The following NCKAP5 variants were observed in gnomAD, a reference collection of about 807,000 sequenced individuals.
The protein encoded by NCKAP5 is NCK associated protein 5.
NCKAP5 carries 92 observed loss-of-function variants against 167.0 expected under a neutral mutation model. The observed-to-expected ratio is 0.55, with a 90% CI of 0.47 to 0.66. NCKAP5 has a LOEUF of 0.66. Among genes scored for constraint, NCKAP5 ranks in the 30% least tolerant of loss-of-function variants. The probability of loss-of-function intolerance (pLI) is 0.00; values close to 1 mark genes in which losing one functional copy is unlikely to be tolerated. For synonymous variants in NCKAP5, 891 were observed against 877.4 expected (o/e 1.02, Z -0.27); for missense variants, 2,378 against 2,315.0 (o/e 1.03, Z -0.56).
At chr2:133,038,684 A>G (rs2079113574) in intron 6 of NCKAP5, among the ~76,000 whole-genome samples, 1 of 152,136 alleles carries the variant, frequency 6.6e-6, no homozygotes, top group Non-Finnish European at 1.5e-5. Flanking sequence ...ATTCTCCATG[A>G]CGTTTTTATT....
At position 133,005,570 on chromosome 2, in the gene NCKAP5, C is replaced by A. The variant is rs541603862; in HGVS notation, c.342-11331G>T. On this transcript the variant is annotated intron_variant, in intron 6 of 19. Coordinates refer to ENST00000409261, the MANE Select transcript of NCKAP5 (RefSeq NM_207363.3). Reference sequence around the variant, plus strand: ...ACAAATACATGGAGCATTAGGTCTGCTTTTTATTTTCTTGAGTAATCTGAA... The same window carrying A: ...ACAAATACATGGAGCATTAGGTCTGATTTTTATTTTCTTGAGTAATCTGAA... Among the ~76,000 whole-genome samples the A allele has an allele frequency of 7.9e-5, 12 of 152,178 alleles. 1 individual carries two copies. Among genetic ancestry groups the A allele is most frequent in the Non-Finnish European group, 1.8e-4 (12 of 68,048 alleles).
chr2:132,707,066 G>A (rs902240761), intron 19 of NCKAP5, among the ~76,000 whole-genome samples: 3 of 152,154 alleles, frequency 2.0e-5, no homozygotes, highest in African/African-American at 7.2e-5. Context: ...AAAATCAGGT[G>A]AGCAATCACA....
At chr2:133,179,751 G>A (rs995273346) in intron 5 of NCKAP5, among the ~76,000 whole-genome samples, 1 of 152,102 alleles carries the variant, frequency 6.6e-6, no homozygotes, top group Non-Finnish European at 1.5e-5. Context: ...GCATGGAGGT[G>A]CAGTGAACTT....
At chr2:133,587,109 C>T in the NCKAP5 span, among the ~76,000 whole-genome samples, 1 of 152,138 alleles carries the variant, frequency 6.6e-6, no homozygotes. Flanking sequence ...TCACCTTTTC[C>T]CTTCATAAAG....
intron 7 of NCKAP5, among the ~76,000 whole-genome samples, chr2:132,972,344 G>A (rs930658840): frequency 1.3e-5 from 2 of 152,160 alleles, no homozygotes; most frequent in African/African-American, 4.8e-5. Context: ...GTGGCTTCTA[G>A]AGCAAAGGGC....
chr2:133,155,291 G>A (rs1361998227), intron 5 of NCKAP5, among the ~76,000 whole-genome samples: 2 of 152,200 alleles, frequency 1.3e-5, no homozygotes, highest in African/African-American at 2.4e-5. Context: ...AAACTTTAGA[G>A]TACATCAAAA....
chr2:133,333,928 G>C (rs1683041182), intron 3 of NCKAP5: 1 of 152,176 alleles, frequency 6.6e-6, no homozygotes, highest in Non-Finnish European at 1.5e-5. Context: ...ACTCCATATA[G>C]AAGGGAAAAA....
At chr2:133,560,546 T>C (rs1160285930) in intron 1 of NCKAP5, among the ~76,000 whole-genome samples, 1 of 151,972 alleles carries the variant, frequency 6.6e-6, no homozygotes, top group Non-Finnish European at 1.5e-5. Context: ...CCCAGGAGGA[T>C]AGAGTGGGGA....
At chr2:133,618,045 C>A in the NCKAP5 span, among the ~76,000 whole-genome samples, 7 of 151,580 alleles carry the variant, frequency 4.6e-5, no homozygotes, top group East Asian at 1.2e-3. Context: ...GAAAAACAAG[C>A]AATGGGGAAA....
chr2:132,906,712 G>C (rs916963235), intron 8 of NCKAP5, among the ~76,000 whole-genome samples: 1 of 152,180 alleles, frequency 6.6e-6, no homozygotes, highest in African/African-American at 2.4e-5. Context: ...AGGGATAGTG[G>C]TGAGGCTTCA....
chr2:133,019,322 ATT>A (rs1396142020), intron 6 of NCKAP5, among the ~76,000 whole-genome samples: 1 of 152,110 alleles, frequency 6.6e-6, no homozygotes, highest in Non-Finnish European at 1.5e-5. Context: ...TCAATAGGGT[ATT>A]TTGATAAGGG....
At chr2:132,982,101 G>A (rs2077157938) in intron 7 of NCKAP5, among the ~76,000 whole-genome samples, 1 of 152,228 alleles carries the variant, frequency 6.6e-6, no homozygotes, top group Non-Finnish European at 1.5e-5. Context: ...GAAGAATTTG[G>A]CTATGTGAAG....
intron 19 of NCKAP5, among the ~76,000 whole-genome samples, chr2:132,675,103 AT>A (rs1397597956): frequency 6.6e-6 from 1 of 152,186 alleles, no homozygotes; most frequent in African/African-American, 2.4e-5. Context: ...TTTCTTGCCT[AT>A]TTCTCATCTA....
At chr2:133,431,060 C>T (rs545550350) in intron 3 of NCKAP5, among the ~76,000 whole-genome samples, 112 of 152,150 alleles carry the variant, frequency 7.4e-4, no homozygotes, top group Non-Finnish European at 8.2e-4. Flanking sequence ...ACAATGTTTT[C>T]ATTTTTCATG....
intron 5 of NCKAP5, among the ~76,000 whole-genome samples, chr2:133,205,294 G>GATAGATAGATAGATAT (rs2085895576): frequency 6.6e-6 from 1 of 151,300 alleles, no homozygotes; most frequent in Admixed American, 6.6e-5. Flanking sequence ...TCTGAAATTA[G>GATAGATAGATAGATAT]ATAGATAGAT....
intron 3 of NCKAP5, among the ~76,000 whole-genome samples, chr2:133,377,083 C>G (rs1412097223): frequency 6.6e-6 from 1 of 152,178 alleles, no homozygotes; most frequent in African/African-American, 2.4e-5. Context: ...AAAATTCTTA[C>G]AGATGAGTGT....
intron 3 of NCKAP5, among the ~76,000 whole-genome samples, chr2:133,331,077 T>A (rs1408496429): frequency 6.6e-6 from 1 of 152,054 alleles, no homozygotes; most frequent in African/African-American, 2.4e-5. Flanking sequence ...TGTATGTGAG[T>A]GTATGTGTAG....
At chr2:133,539,263 G>C (rs1417527109) in intron 2 of NCKAP5, among the ~76,000 whole-genome samples, 2 of 151,952 alleles carry the variant, frequency 1.3e-5, no homozygotes. Context: ...TTATAGAATA[G>C]ATGCCTCAAG....
rs879804535 is a variant in NCKAP5, at chr2:133,470,276, G to C, written c.69+47182C>G. On this transcript the variant is annotated intron_variant, in intron 3 of 19. Transcript: ENST00000409261. ...TCTGTTGGAATACCCTGCCGTGTGA[G>C]GTGTCAGTGTGCCCCTGCTGGGGGG... Among the ~76,000 whole-genome samples the C allele has an allele frequency of 7.2e-5, 11 of 151,960 alleles. No individual in the cohort carries two copies. The South Asian group carries it at 8.3e-4, about 12-fold the overall frequency.
Sources: gnomAD v4.1 joint callset for allele counts (sites outside exome capture counted in the v4.1 genomes callset) on GRCh38, gnomAD v4.1.1 for gene constraint, MANE v1.5 for transcripts, NCBI Gene and HGNC (gene_info 2026-07-23, HGNC 2026-07-21) for gene names.